The following KIF18A variants were observed in gnomAD, a reference collection of about 807,000 sequenced individuals.
The protein encoded by KIF18A is kinesin family member 18A.
A neutral mutation model predicts 103.3 loss-of-function variants in KIF18A; 67 were observed. The observed-to-expected ratio is 0.65, with a 90% confidence interval of 0.53 to 0.79. The LOEUF (loss-of-function observed/expected upper bound fraction) is 0.79. Among genes scored for constraint, KIF18A ranks in the 30% least tolerant of loss-of-function variants. The pLI is 0.00. For synonymous variants in KIF18A, 367 were observed against 355.5 expected (o/e 1.03, Z -0.36); for missense variants, 1,032 against 1,062.5 (o/e 0.97, Z 0.40).
rs543385702 is a variant in KIF18A, at chr11:28,101,712, A to T, written c.-46-3719T>A. ...AGTGAGGGAAACAGATATTAATAAA[A>T]TATTGACACAAACATGTAAAGGTAT... On this transcript the variant is annotated intron_variant, in intron 1 of 16. Transcript: ENST00000263181. 2.0e-5 allele frequency among the ~76,000 whole-genome samples: 3 copies of T among 152,330 alleles called. No individual in the cohort carries two copies. The South Asian group carries it at 6.2e-4, about 32-fold the overall frequency.
intron 15 of KIF18A, among the ~76,000 whole-genome samples, chr11:28,030,438 C>T (rs1034456946): frequency 4.9e-4 from 74 of 152,050 alleles, no homozygotes; most frequent in Non-Finnish European, 8.7e-4. Context: ...GGAAAGGATT[C>T]CCCATTTAAT....
intron 15 of KIF18A, among the ~76,000 whole-genome samples, chr11:28,029,446 A>G (rs1270959608): frequency 6.6e-5 from 10 of 152,218 alleles, no homozygotes; most frequent in Admixed American, 2.0e-4. Context: ...TTATCTCAAT[A>G]GATGCAGAAA....
intron 3 of KIF18A, among the ~76,000 whole-genome samples, chr11:28,093,425 C>T (rs1851328531): frequency 6.6e-6 from 1 of 152,086 alleles, no homozygotes; most frequent in Admixed American, 6.5e-5. Flanking sequence ...AATTTTATGG[C>T]ACCAGAAATA....
chr11:28,035,526 T>C, intron 14 of KIF18A, 32 bp from the exon 15 acceptor site: 1 of 1,287,376 alleles, frequency 7.8e-7, no homozygotes, highest in Admixed American at 2.3e-5. Context: ...TAAAAAATAA[T>C]AATTTTGATT....
chr11:28,053,689 T>A (rs1040809803), intron 13 of KIF18A, among the ~76,000 whole-genome samples: 1 of 151,742 alleles, frequency 6.6e-6, no homozygotes, highest in African/African-American at 2.4e-5. Context: ...CAGTGTATGA[T>A]GTTCCCCTTC....
chr11:28,047,227 A>G (rs1850648050), intron 13 of KIF18A, among the ~76,000 whole-genome samples: 2 of 152,104 alleles, frequency 1.3e-5, no homozygotes, highest in South Asian at 4.1e-4. Context: ...ACAGTTGTCA[A>G]TGACAAGTCA....
chr11:28,033,728 T>C (rs189001600), intron 15 of KIF18A, among the ~76,000 whole-genome samples: 31 of 151,352 alleles, frequency 2.0e-4, no homozygotes, highest in Admixed American at 1.2e-3. Flanking sequence ...TTTCGGGAGA[T>C]TGGGGAGGAT....
chr11:28,050,921 T>A (rs1352648966), intron 13 of KIF18A, among the ~76,000 whole-genome samples: 1 of 151,826 alleles, frequency 6.6e-6, no homozygotes, highest in Admixed American at 6.6e-5. Flanking sequence ...TCATAAAATT[T>A]ACAAAATTAG....
chr11:28,032,464 A>G (rs1850423626), intron 15 of KIF18A, among the ~76,000 whole-genome samples: 1 of 151,990 alleles, frequency 6.6e-6, no homozygotes, highest in Non-Finnish European at 1.5e-5. Context: ...CTGACTTCAA[A>G]TTACACTACA....
chr11:28,091,269 A>G, intron 4 of KIF18A, 140 bp downstream of exon 4: 1 of 530,832 alleles, frequency 1.9e-6, no homozygotes, highest in Non-Finnish European at 3.4e-6. Flanking sequence ...TAAGACTAAA[A>G]ATATACCCTA....
intron 2 of KIF18A, 70 bp from the exon 3 acceptor site, chr11:28,094,870 G>A: frequency 1.9e-5 from 26 of 1,336,002 alleles, no homozygotes; most frequent in South Asian, 2.4e-5. Context: ...ACTATCTAGT[G>A]GATAGTTCCA....
intron 11 of KIF18A, among the ~76,000 whole-genome samples, 180 bp from the exon 12 acceptor site, chr11:28,062,696 A>G (rs1241780238): frequency 6.6e-6 from 1 of 152,102 alleles, no homozygotes; most frequent in Non-Finnish European, 1.5e-5. Flanking sequence ...TACAAGCAAG[A>G]TAAGTTTTCA....
chr11:28,072,477 C>CTCTATTGGAGAGACAT (rs1851032597), intron 10 of KIF18A, among the ~76,000 whole-genome samples: 2 of 152,010 alleles, frequency 1.3e-5, no homozygotes, highest in South Asian at 4.1e-4. Flanking sequence ...GGAGAGAATC[C>CTCTATTGGAGAGACAT]AAAACATAAA....
chr11:28,084,551 C>G (rs1035514060), intron 7 of KIF18A, 81 bp downstream of exon 7: 21 of 1,184,208 alleles, frequency 1.8e-5, no homozygotes, highest in Non-Finnish European at 2.3e-5. Flanking sequence ...GAAACATAAC[C>G]TGAATTAATA....
chr11:28,024,043 A>G (rs1850281067), intron 15 of KIF18A, among the ~76,000 whole-genome samples, 193 bp from the exon 16 acceptor site: 1 of 152,050 alleles, frequency 6.6e-6, no homozygotes, highest in South Asian at 2.1e-4. Context: ...TTTAAATTGG[A>G]TATTTTATAT....
rs1374512406 is a variant in KIF18A, at chr11:28,036,671, A to C, written c.1949-7T>G. The C allele has an allele frequency of 6.6e-7, 1 of 1,506,714 alleles. No homozygotes were observed. The highest frequency in any genetic ancestry group is 1.4e-5 in the African/African-American group (1 of 71,138). The allele number at this position is 1,506,714 out of a possible 1,614,324, so 93.3% of individuals were successfully genotyped here. ...GTTCCACCTGAAGATGAGCCTATTC[A>C]AAAAAATAAAAAAAGACACTCGATA... On this transcript the variant is annotated splice_region_variant and splice_polypyrimidine_tract_variant and intron_variant, in intron 13 of 16. Transcript: ENST00000263181.
At chr11:28,033,427 T>G (rs1194306405) in intron 15 of KIF18A, among the ~76,000 whole-genome samples, 2 of 151,316 alleles carry the variant, frequency 1.3e-5, no homozygotes, top group Non-Finnish European at 3.0e-5. Context: ...ATTGCAACAC[T>G]ACTCACAATA....
chr11:28,060,751 C>T (rs1023400630), intron 12 of KIF18A, among the ~76,000 whole-genome samples: 1 of 152,140 alleles, frequency 6.6e-6, no homozygotes, highest in African/African-American at 2.4e-5. Flanking sequence ...GTGGTTTATG[C>T]TAAAACACCT....
chr11:28,052,228 G>C (rs779733346), intron 13 of KIF18A, among the ~76,000 whole-genome samples: 1 of 152,048 alleles, frequency 6.6e-6, no homozygotes, highest in Admixed American at 6.6e-5. Flanking sequence ...AGCAGTCAGA[G>C]AGATCTTTTA....
Sources: allele counts gnomAD v4.1 joint callset (sites outside exome capture counted in the v4.1 genomes callset), GRCh38; gene constraint gnomAD v4.1.1; transcripts MANE v1.5; gene names NCBI Gene and HGNC (gene_info 2026-07-23, HGNC 2026-07-21).